The following BFAR variants were observed in gnomAD, a reference collection of about 807,000 sequenced individuals.
BFAR encodes the protein bifunctional apoptosis regulator.
A neutral mutation model predicts 54.4 loss-of-function variants in BFAR; 52 were observed. That is an observed-to-expected ratio of 0.96 (90% CI 0.77 to 1.21). The LOEUF is 1.21. BFAR is among the 50% of genes most tolerant of loss of function. BFAR has a pLI of 0.00. For synonymous variants in BFAR, 215 were observed against 204.3 expected (o/e 1.05, Z -0.45); for missense variants, 571 against 534.0 (o/e 1.07, Z -0.68).
In BFAR at chr16:14,635,939, C is replaced by G. The variant is rs554164831; in HGVS notation, c.-74+2921C>G. ...GCCACTGCCCCGGCCTAATGCTTCT[C>G]TTATGTTAATGGGAGAGCCGGCTTT... On this transcript the variant is annotated intron_variant, in intron 1 of 7. Coordinates refer to ENST00000261658, the MANE Select transcript of BFAR (RefSeq NM_016561.3). 1.1e-4 allele frequency among the ~76,000 whole-genome samples: 17 copies of G among 152,244 alleles called. No homozygotes were observed. The East Asian group carries it at 3.3e-3, about 29-fold the overall frequency.
intron 6 of BFAR, among the ~76,000 whole-genome samples, chr16:14,662,928 T>C (rs1036385600): frequency 2.0e-5 from 3 of 152,050 alleles, no homozygotes; most frequent in Non-Finnish European, 4.4e-5. Flanking sequence ...GGAGTCCACA[T>C]GAGAGGGTCG....
intron 7 of BFAR, 60 bp from the exon 8 acceptor site, chr16:14,667,575 G>A (rs1022346465): frequency 6.7e-7 from 1 of 1,494,482 alleles, no homozygotes; most frequent in Non-Finnish European, 9.1e-7. Context: ...CCAGGGCCCG[G>A]ACTCCTGGGT....
intron 1 of BFAR, among the ~76,000 whole-genome samples, chr16:14,634,060 C>T (rs1438575616): frequency 6.6e-6 from 1 of 152,208 alleles, no homozygotes; most frequent in Non-Finnish European, 1.5e-5. Flanking sequence ...TCCCAGCTTC[C>T]GCGGAAAACA....
chr16:14,654,161 G>T (rs887383614), intron 4 of BFAR, among the ~76,000 whole-genome samples: 3 of 151,760 alleles, frequency 2.0e-5, no homozygotes, highest in African/African-American at 7.3e-5. Flanking sequence ...ATAGGCGCCT[G>T]CCACGACACC....
At chr16:14,652,482 T>C (rs1804713053) in intron 4 of BFAR, among the ~76,000 whole-genome samples, 1 of 151,862 alleles carries the variant, frequency 6.6e-6, no homozygotes, top group Non-Finnish European at 1.5e-5. Context: ...GGTTTCGCCA[T>C]GTTGACCAGG....
chr16:14,665,178 C>A, intron 7 of BFAR, 107 bp downstream of exon 7: 2 of 1,080,116 alleles, frequency 1.9e-6, no homozygotes, highest in East Asian at 2.6e-5. Flanking sequence ...TCCATCCACC[C>A]AGACCCTTCA....
chr16:14,635,233 G>T (rs1959395703), intron 1 of BFAR, among the ~76,000 whole-genome samples: 2 of 152,162 alleles, frequency 1.3e-5, no homozygotes, highest in African/African-American at 2.4e-5. Context: ...TACTTGTGAG[G>T]CTGAGAAACA....
chr16:14,661,851 G>A lies in BFAR; in HGVS notation c.784-41G>A, dbSNP rs377456824. ...AAGGAGCGTGGGTGGGTAGCTGGCC[G>A]CCATGGTTGTAATGTGGCCCTGTAC... On this transcript the variant is annotated intron_variant, in intron 5 of 7. Coordinates refer to ENST00000261658, the MANE Select transcript of BFAR (RefSeq NM_016561.3). The A allele has an allele frequency of 2.1e-5, 33 of 1,601,324 alleles. No individual in the cohort carries two copies. In the Admixed American group the frequency reaches 2.2e-4, roughly 11 times the overall value.
intron 1 of BFAR, among the ~76,000 whole-genome samples, 151 bp from the exon 2 acceptor site, chr16:14,644,123 A>C (rs1959710585): frequency 6.6e-6 from 1 of 150,948 alleles, no homozygotes; most frequent in Non-Finnish European, 1.5e-5. Flanking sequence ...AGATCACGCC[A>C]CTGCACTCCA....
Position 14,650,138 on chromosome 16 carries a change from A to G in BFAR, c.638+165A>G, listed in dbSNP as rs1444617574. 7 of 578,398 alleles carry G rather than the reference A, an allele frequency of 1.2e-5. 1 individual carries two copies. The Admixed American group carries it at 1.9e-4, about 16-fold the overall frequency. The allele number at this position is 578,398 out of a possible 1,614,324, so 35.8% of individuals were successfully genotyped here. A position where few individuals can be genotyped will look rare whatever the true frequency, so the allele number is the denominator to read the frequency against. On this transcript the variant is annotated intron_variant, in intron 4 of 7. Transcript: ENST00000261658. Reference sequence around the variant, plus strand: ...GGAGTTCCAGACCAGCCTGACCAATATGATGAAACCCCATCTCTACTAAAA... The same window carrying G: ...GGAGTTCCAGACCAGCCTGACCAATGTGATGAAACCCCATCTCTACTAAAA...
intron 4 of BFAR, among the ~76,000 whole-genome samples, chr16:14,652,532 C>T (rs1960001491): frequency 1.3e-5 from 2 of 151,392 alleles, no homozygotes; most frequent in African/African-American, 2.4e-5. Flanking sequence ...CCACCCACCT[C>T]GGCCTCCCAA....
At chr16:14,666,763 T>C (rs1004456594) in intron 7 of BFAR, among the ~76,000 whole-genome samples, 3 of 152,154 alleles carry the variant, frequency 2.0e-5, no homozygotes, top group African/African-American at 7.2e-5. Flanking sequence ...TCTCCCTCAT[T>C]TCTTTCCATT....
At chr16:14,637,536 T>TA (rs1353536954) in intron 1 of BFAR, among the ~76,000 whole-genome samples, 1 of 152,186 alleles carries the variant, frequency 6.6e-6, no homozygotes, top group East Asian at 1.9e-4. Flanking sequence ...AAGGCCTCCG[T>TA]AAATATTAAT....
At position 14,664,999 on chromosome 16, in the gene BFAR, T is replaced by A. The variant is rs774963246; in HGVS notation, c.1088T>A (p.Ile363Asn). The change falls in exon 7 of 8, where the codon ATC becomes AAC. Residue 363 changes from isoleucine (I) to asparagine (N), a missense_variant. Ile to Asn is a moderately radical substitution (Grantham distance 149, BLOSUM62 -3). Coordinates refer to ENST00000261658, the MANE Select transcript of BFAR (RefSeq NM_016561.3). The part of the protein sequence containing the change: ...EVHYWTSRFL[I>N]INAMLLSVLE... ...CATTACTGGACATCACGGTTTCTCA[T>A]CATCAATGCTATGTTACTCTCAGTT... is the stretch of plus-strand genomic sequence containing the variant. 1 of 1,614,114 alleles carries A rather than the reference T, an allele frequency of 6.2e-7. No individual in the cohort carries two copies. The highest frequency in any genetic ancestry group is 1.1e-5 in the South Asian group (1 of 91,088).
intron 6 of BFAR, among the ~76,000 whole-genome samples, chr16:14,664,326 G>A (rs771787348): frequency 5.3e-5 from 8 of 150,934 alleles, no homozygotes; most frequent in Non-Finnish European, 1.0e-4. Flanking sequence ...AGGAGGTGGA[G>A]GCTGCAGTGA....
intron 4 of BFAR, 69 bp from the exon 5 acceptor site, chr16:14,654,997 A>T (rs1960081238): frequency 7.2e-7 from 1 of 1,386,834 alleles, no homozygotes; most frequent in African/African-American, 1.5e-5. Flanking sequence ...AGTAAGATGG[A>T]ACTCTGAGTG....
In BFAR at chr16:14,655,062, A is replaced by T. The variant is rs375321868; in HGVS notation, c.639-4A>T. The T allele has an allele frequency of 6.2e-7, 1 of 1,602,522 alleles. No homozygotes were observed. On this transcript the variant is annotated splice_region_variant and splice_polypyrimidine_tract_variant and intron_variant, in intron 4 of 7. Coordinates refer to ENST00000261658, the MANE Select transcript of BFAR (RefSeq NM_016561.3). The stretch of plus-strand genomic sequence containing the variant: ...AAAATAAATCTCCTCCTGCCCCTCT[A>T]CAGGTTGCTTTTAACTTTGACAGAG...
intron 6 of BFAR, among the ~76,000 whole-genome samples, chr16:14,662,795 C>T (rs1960327853): frequency 1.3e-5 from 2 of 152,138 alleles, no homozygotes; most frequent in Non-Finnish European, 2.9e-5. Flanking sequence ...CAAAACCCCT[C>T]AGACACCGAG....
At chr16:14,650,996 T>A (rs895947320) in intron 4 of BFAR, among the ~76,000 whole-genome samples, 1 of 152,170 alleles carries the variant, frequency 6.6e-6, no homozygotes, top group Non-Finnish European at 1.5e-5. Flanking sequence ...AAGGAAAAAT[T>A]CTCTCTAATC....
Sources: allele counts gnomAD v4.1 joint callset (sites outside exome capture counted in the v4.1 genomes callset), GRCh38; gene constraint gnomAD v4.1.1; transcripts MANE v1.5; gene names NCBI Gene and HGNC (gene_info 2026-07-23, HGNC 2026-07-21).